The following SLC6A5 variants were observed in gnomAD, a reference collection of about 807,000 sequenced individuals.
SLC6A5 encodes solute carrier family 6 member 5, also known as sodium- and chloride-dependent glycine transporter 2.
Under a neutral mutation model 90.5 loss-of-function variants are expected in SLC6A5, and 58 were observed. The ratio of observed to expected loss-of-function variants is 0.64; its 90% confidence interval spans 0.52 to 0.80. The LOEUF (loss-of-function observed/expected upper bound fraction) is 0.80. SLC6A5 is among the 30% of genes least tolerant of loss of function. The pLI is 0.00. For synonymous variants in SLC6A5, 427 were observed against 401.4 expected (o/e 1.06, Z -0.76); for missense variants, 1,015 against 1,017.6 (o/e 1.00, Z 0.03).
rs151316086 is a variant in SLC6A5, at chr11:20,616,066, A to G, written c.1127+1246A>G. Among the ~76,000 whole-genome samples, 122 of 152,348 alleles carry G rather than the reference A, an allele frequency of 8.0e-4. 1 individual carries two copies. Among genetic ancestry groups the G allele is most frequent in the African/African-American group, 2.9e-3 (119 of 41,580 alleles). On this transcript the variant is annotated intron_variant, in intron 6 of 15. Coordinates refer to ENST00000525748, the MANE Select transcript of SLC6A5 (RefSeq NM_004211.5). Reference sequence around the variant, plus strand: ...ATCAAATAAAATGCATAAATCAATGAGCCTCCAGTTTGTGGCTTTCACTTA... The same window carrying G: ...ATCAAATAAAATGCATAAATCAATGGGCCTCCAGTTTGTGGCTTTCACTTA...
At chr11:20,643,983 A>G (rs1466381550) in intron 13 of SLC6A5, among the ~76,000 whole-genome samples, 1 of 152,090 alleles carries the variant, frequency 6.6e-6, no homozygotes, top group African/African-American at 2.4e-5. Context: ...TCTGGAGTGG[A>G]GTTTTTTGAG....
At chr11:20,639,941 C>T (rs989976161) in intron 13 of SLC6A5, among the ~76,000 whole-genome samples, 4 of 152,260 alleles carry the variant, frequency 2.6e-5, no homozygotes, top group South Asian at 2.1e-4. Context: ...CTGATAAGAC[C>T]GCCTAGATCC....
Position 20,601,386 on chromosome 11 carries a change from G to T in SLC6A5, c.261G>T (p.Ala87=), listed in dbSNP as rs755185593. 1.2e-6 allele frequency: 2 copies of T among 1,603,680 alleles called. No individual in the cohort carries two copies. Among genetic ancestry groups the T allele is most frequent in the Admixed American group, 1.7e-5 (1 of 58,856 alleles). The part of the protein sequence containing the change: ...VGSCKLSSPR[A]QAASAALRDL... ...CTTGCAAACTCAGTAGCCCGCGGGC[G>T]CAGGCGGCCTCTGCAGCTCTGCGGG... is the stretch of plus-strand genomic sequence containing the variant. The change falls in exon 2 of 16, where the codon GCG becomes GCT. Residue 87 remains alanine (A), a synonymous_variant. Coordinates refer to ENST00000525748, the MANE Select transcript of SLC6A5 (RefSeq NM_004211.5).
At position 20,614,780 on chromosome 11, in the gene SLC6A5, G is replaced by A. The variant is rs750861694; in HGVS notation, c.1087G>A (p.Ala363Thr). 4 of 1,613,872 alleles carry A rather than the reference G, an allele frequency of 2.5e-6. No individual in the cohort carries two copies. The highest frequency in any genetic ancestry group is 1.7e-5 in the Admixed American group (1 of 60,004). Reference sequence around the variant, plus strand: ...GACAATGGTTAATTTCACCAGCCAGGCCAATAAGACATTTGTCAGTGGAAG... The same window carrying A: ...GACAATGGTTAATTTCACCAGCCAGACCAATAAGACATTTGTCAGTGGAAG... ...NVTMVNFTSQ[A>T]NKTFVSGSEE... Residue 363 changes from alanine (A) to threonine (T), a missense_variant, in exon 6 of 16, where the codon GCC becomes ACC. Ala to Thr is a moderately conservative substitution (Grantham distance 58, BLOSUM62 0). Around this residue, in one of 3 missense-constraint regions of SLC6A5, gnomAD observed 567 missense variants for 507.3 expected, o/e 1.12. Coordinates refer to ENST00000525748, the MANE Select transcript of SLC6A5 (RefSeq NM_004211.5).
At chr11:20,641,249 C>T (rs1220856421) in intron 13 of SLC6A5, among the ~76,000 whole-genome samples, 1 of 152,110 alleles carries the variant, frequency 6.6e-6, no homozygotes, top group Non-Finnish European at 1.5e-5. Context: ...ACCAAGGTCT[C>T]CTGCTTGCTA....
intron 10 of SLC6A5, 88 bp from the exon 11 acceptor site, chr11:20,636,219 G>T: frequency 2.5e-6 from 2 of 787,054 alleles, no homozygotes; most frequent in Non-Finnish European, 4.6e-6. Flanking sequence ...AATAAATGAG[G>T]ATCTCAGCAG....
At chr11:20,614,880 T>C in intron 6 of SLC6A5, 60 bp downstream of exon 6, 1 of 1,509,678 alleles carries the variant, frequency 6.6e-7, no homozygotes, top group Non-Finnish European at 9.2e-7. Flanking sequence ...AATTAATAAA[T>C]ATTCAATTTG....
chr11:20,654,648 G>T, intron 15 of SLC6A5, 65 bp from the exon 16 acceptor site: 1 of 1,536,382 alleles, frequency 6.5e-7, no homozygotes, highest in South Asian at 1.1e-5. Flanking sequence ...GGGATGAGTG[G>T]GTCGTCCCCA....
chr11:20,614,191 G>A (rs1029091076), intron 5 of SLC6A5, among the ~76,000 whole-genome samples: 1 of 152,160 alleles, frequency 6.6e-6, no homozygotes, highest in African/African-American at 2.4e-5. Context: ...CCTTCAGGGG[G>A]TCTGCTTATT....
chr11:20,605,152 G>A (rs1232839445), intron 3 of SLC6A5, among the ~76,000 whole-genome samples: 2 of 152,006 alleles, frequency 1.3e-5, no homozygotes, highest in Non-Finnish European at 2.9e-5. Flanking sequence ...CGATCCCTCT[G>A]GCCCTCCCAG....
rs768845386 is a variant in SLC6A5, at chr11:20,637,338, G to A, written c.1869+35G>A. ...CTCCTAGGCACAGGCTTGGGGTGGG[G>A]GCAGGAGGGTGGGGGGCCAATAGCT... On this transcript the variant is annotated intron_variant, in intron 12 of 15. Coordinates refer to ENST00000525748, the MANE Select transcript of SLC6A5 (RefSeq NM_004211.5). 4.1e-5 allele frequency: 66 copies of A among 1,598,912 alleles called. No homozygotes were observed. The South Asian group carries it at 4.7e-4, about 11-fold the overall frequency.
At chr11:20,650,652 GTTCTTTTTTT>G (rs1565290655) in intron 14 of SLC6A5, among the ~76,000 whole-genome samples, 1 of 119,130 alleles carries the variant, frequency 8.4e-6, no homozygotes, top group African/African-American at 3.2e-5. Context: ...GATGACGCCT[GTTCTTTTTTT>G]TTTTTTTTTT....
At chr11:20,619,730 C>CT (rs1310975819) in intron 7 of SLC6A5, among the ~76,000 whole-genome samples, 1 of 152,046 alleles carries the variant, frequency 6.6e-6, no homozygotes, top group African/African-American at 2.4e-5. Context: ...TGGGTGATGT[C>CT]TAAGGTCCTC....
At chr11:20,638,046 T>C (rs1383295396) in intron 12 of SLC6A5, among the ~76,000 whole-genome samples, 1 of 152,150 alleles carries the variant, frequency 6.6e-6, no homozygotes, top group East Asian at 1.9e-4. Flanking sequence ...TGGGGGTGTG[T>C]GAGAAATACC....
chr11:20,614,663 G>C lies in SLC6A5; in HGVS notation c.986-16G>C. On this transcript the variant is annotated splice_polypyrimidine_tract_variant and intron_variant, in intron 5 of 15. Transcript: ENST00000525748. ...ACAGATTTAACTGTGTTTCTATTCT[G>C]TCCTCTCCTAAACAGATTCCTGTGT... The C allele has an allele frequency of 6.2e-7, 1 of 1,611,642 alleles. No homozygotes were observed. Among genetic ancestry groups the C allele is most frequent in the Admixed American group, 1.7e-5 (1 of 60,016 alleles).
chr11:20,643,737 G>A (rs920084708), intron 13 of SLC6A5, among the ~76,000 whole-genome samples: 4 of 152,204 alleles, frequency 2.6e-5, no homozygotes, highest in Non-Finnish European at 5.9e-5. Flanking sequence ...AGGCATTTTA[G>A]AGTGAGCTGG....
chr11:20,600,326 A>AGAAGAG (rs1565268900), intron 1 of SLC6A5, among the ~76,000 whole-genome samples: 2 of 133,188 alleles, frequency 1.5e-5, no homozygotes, highest in African/African-American at 2.6e-5. Context: ...TACGCAAAAA[A>AGAAGAG]GAAGAAGAGG....
chr11:20,601,221 C>A lies in SLC6A5; in HGVS notation c.96C>A (p.Pro32=), dbSNP rs886048107. The A allele has an allele frequency of 8.2e-6, 13 of 1,582,624 alleles. No homozygotes were observed. Among genetic ancestry groups the A allele is most frequent in the Non-Finnish European group, 1.1e-5 (13 of 1,172,082 alleles). Residue 32 remains proline, a synonymous_variant, in exon 2 of 16, where the codon CCC becomes CCA. Coordinates refer to ENST00000525748, the MANE Select transcript of SLC6A5 (RefSeq NM_004211.5). ...AQGHPDGPCA[P]RTSPEQELPA... is the part of the protein sequence containing the mutation. The stretch of plus-strand genomic sequence containing the variant: ...GCCACCCGGATGGCCCATGCGCTCC[C>A]AGGACGAGCCCGGAGCAGGAGCTTC...
chr11:20,657,651 GGAAA>G lies in SLC6A5; in HGVS notation c.*2786_*2789del, dbSNP rs1453216484. 1 of 152,200 alleles carries G rather than the reference GGAAA, an allele frequency of 6.6e-6. No individual in the cohort carries two copies. Among genetic ancestry groups the G allele is most frequent in the Non-Finnish European group, 1.5e-5 (1 of 68,024 alleles). 9.4% of individuals were successfully genotyped at this position (152,200 alleles called of 1,614,324 possible). On this transcript the variant is annotated 3_prime_UTR_variant, in exon 16 of 16. Coordinates refer to ENST00000525748, the MANE Select transcript of SLC6A5 (RefSeq NM_004211.5). ...GTGGGGGAAAAAACCGAGTAGCTGA[GGAAA>G]GACTTTCATTGGTTCACTGTGTAGA...
Sources: allele counts gnomAD v4.1 joint callset (sites outside exome capture counted in the v4.1 genomes callset), GRCh38; gene constraint gnomAD v4.1.1; regional missense constraint gnomAD v4.1.1; transcripts MANE v1.5; gene names NCBI Gene and HGNC (gene_info 2026-07-23, HGNC 2026-07-21).